WDR1: variants seen among roughly 807,000 people sequenced by gnomAD.
WDR1 encodes WD repeat-containing protein 1.
WDR1 carries 21 observed loss-of-function variants against 71.9 expected under a neutral mutation model. The ratio of observed to expected loss-of-function variants is 0.29; its 90% confidence interval spans 0.21 to 0.42. WDR1 has a LOEUF of 0.42. WDR1 is among the 10% of genes least tolerant of loss of function. The probability of loss-of-function intolerance (pLI) is 1.00; values close to 1 mark genes in which losing one functional copy is unlikely to be tolerated. For synonymous variants in WDR1, 424 were observed against 347.4 expected (o/e 1.22, Z -2.45); for missense variants, 696 against 824.5 (o/e 0.84, Z 1.91).
chr4:10,111,261 T>C (rs1381755852), intron 2 of WDR1, among the ~76,000 whole-genome samples: 1 of 152,080 alleles, frequency 6.6e-6, no homozygotes, highest in Non-Finnish European at 1.5e-5. Context: ...TCCTGTCCAC[T>C]CCCCTCACGC....
At chr4:10,116,075 T>C (rs2108812262) in intron 2 of WDR1, 38 bp downstream of exon 2, 1 of 1,599,770 alleles carries the variant, frequency 6.3e-7, no homozygotes, top group Non-Finnish European at 8.5e-7. Context: ...CCAAGGTGGC[T>C]CCGGAGCAGA....
intron 8 of WDR1, among the ~76,000 whole-genome samples, chr4:10,084,986 G>A (rs756636790): frequency 2.6e-5 from 4 of 152,226 alleles, no homozygotes; most frequent in Non-Finnish European, 5.9e-5. Flanking sequence ...CCCTGCCCAG[G>A]AGTGCTGGCC....
intron 12 of WDR1, 104 bp downstream of exon 12, chr4:10,078,787 C>G: frequency 1.0e-6 from 1 of 984,616 alleles, no homozygotes. Context: ...TCCCCTGACC[C>G]CTCGCCTTCC....
intron 9 of WDR1, 88 bp from the exon 10 acceptor site, chr4:10,083,266 C>G: frequency 1.4e-6 from 2 of 1,463,054 alleles, no homozygotes; most frequent in Non-Finnish European, 1.8e-6. Flanking sequence ...CCATTTACAT[C>G]AAGAATGAGA....
At chr4:10,075,510 G>C in intron 14 of WDR1, 26 bp from the exon 15 acceptor site, 2 of 1,605,626 alleles carry the variant, frequency 1.2e-6, no homozygotes, top group Non-Finnish European at 1.7e-6. Flanking sequence ...GCAATTTAAC[G>C]AAAAGCCAAA....
intron 14 of WDR1, 120 bp from the exon 15 acceptor site, chr4:10,075,604 C>T: frequency 1.0e-5 from 9 of 901,840 alleles, no homozygotes; most frequent in Admixed American, 2.1e-5. Flanking sequence ...AAAATGGCCA[C>T]GAATCGTTGT....
chr4:10,082,914 GA>G, intron 10 of WDR1, 107 bp downstream of exon 10: 1 of 1,393,358 alleles, frequency 7.2e-7, no homozygotes. Context: ...TGGGAGAGAT[GA>G]AAGGAGCAAG....
intron 11 of WDR1, among the ~76,000 whole-genome samples, chr4:10,079,231 TTA>T (rs1299752224): frequency 6.6e-6 from 1 of 152,232 alleles, no homozygotes; most frequent in African/African-American, 2.4e-5. Flanking sequence ...ACTGTGACCA[TTA>T]CTGTCATCAC....
intron 2 of WDR1, 58 bp from the exon 3 acceptor site, chr4:10,104,044 C>G: frequency 6.6e-7 from 1 of 1,507,616 alleles, no homozygotes; most frequent in Non-Finnish European, 9.0e-7. Context: ...AAGCTTCCAG[C>G]TCTCCACATC....
intron 8 of WDR1, 54 bp downstream of exon 8, chr4:10,087,653 T>TGG: frequency 1.3e-6 from 2 of 1,493,716 alleles, no homozygotes. Context: ...CTGGCCACTC[T>TGG]GGTCTCTTCC....
chr4:10,089,210 G>T (rs780099535), intron 5 of WDR1, among the ~76,000 whole-genome samples: 1 of 152,222 alleles, frequency 6.6e-6, no homozygotes. Flanking sequence ...CCGGGTTCAC[G>T]CCATTCTCCT....
At chr4:10,088,156 T>C (rs1205073282) in intron 7 of WDR1, 137 bp downstream of exon 7, 8 of 956,004 alleles carry the variant, frequency 8.4e-6, no homozygotes, top group Non-Finnish European at 1.3e-5. Flanking sequence ...AAAGCTTTTC[T>C]GGGCAGATAT....
chr4:10,109,195 G>A (rs929883832), intron 2 of WDR1, among the ~76,000 whole-genome samples: 1 of 152,226 alleles, frequency 6.6e-6, no homozygotes, highest in Non-Finnish European at 1.5e-5. Flanking sequence ...GACACTGGGC[G>A]ATACGCCCCA....
chr4:10,078,641 C>A (rs1764888726), intron 12 of WDR1: 2 of 436,946 alleles, frequency 4.6e-6, no homozygotes, highest in Non-Finnish European at 8.2e-6. Context: ...ACCTCACTGT[C>A]CACAGTCTTG....
At chr4:10,099,160 GGGAGGGGGGGA>G in intron 3 of WDR1, 21 bp from the exon 4 acceptor site, 1 of 1,429,050 alleles carries the variant, frequency 7.0e-7, no homozygotes, top group Non-Finnish European at 9.7e-7. Flanking sequence ...CAGCGGGCGG[GGGAGGGGGGGA>G]GGCGGTGGTG....
intron 5 of WDR1, among the ~76,000 whole-genome samples, chr4:10,090,903 T>C (rs758499830): frequency 6.6e-6 from 1 of 152,270 alleles, no homozygotes; most frequent in Non-Finnish European, 1.5e-5. Context: ...CATTCCGTTC[T>C]ATGACTGAAG....
rs746234371 is a variant in WDR1 at position 10,116,346 on chromosome 4, G to C, written c.17-112C>G. 26 of 1,472,866 alleles carry C rather than the reference G, an allele frequency of 1.8e-5. No homozygotes were observed. The East Asian group carries it at 6.1e-4, about 35-fold the overall frequency. The allele number at this position is 1,472,866 out of a possible 1,614,324, so 91.2% of individuals were successfully genotyped here. On this transcript the variant is annotated intron_variant, in intron 1 of 14. Coordinates refer to ENST00000499869, the MANE Select transcript of WDR1 (RefSeq NM_017491.5). ...GGCCGGTCACCTGTTGACTGCGCCG[G>C]GAGGGCGGCCTCCACTTTCCACGAG...
intron 5 of WDR1, among the ~76,000 whole-genome samples, chr4:10,089,015 C>A (rs113063781): frequency 2.8e-4 from 42 of 152,204 alleles, no homozygotes; most frequent in Non-Finnish European, 3.8e-4. Flanking sequence ...TATGCCCCCC[C>A]CAGTGAGGTG....
rs895560488 is a variant in WDR1, at chr4:10,099,287, G to C, written c.230-148C>G. The C allele has an allele frequency of 8.9e-6, 6 of 672,330 alleles. No individual in the cohort carries two copies. The Admixed American group carries it at 1.6e-4, about 18-fold the overall frequency. The allele number at this position is 672,330 out of a possible 1,614,324, so 41.6% of individuals were successfully genotyped here. A position where few individuals can be genotyped will look rare whatever the true frequency, so the allele number is the denominator to read the frequency against. On this transcript the variant is annotated intron_variant, in intron 3 of 14. Transcript: ENST00000499869. Reference sequence around the variant, plus strand: ...GTTGCTTAGGCTTTCTAGAGGAAAAGGCCTAGTGAAGAGAACGTGTCTTAG... The same window carrying C: ...GTTGCTTAGGCTTTCTAGAGGAAAACGCCTAGTGAAGAGAACGTGTCTTAG...
Sources: allele counts gnomAD v4.1 joint callset (sites outside exome capture counted in the v4.1 genomes callset), GRCh38; gene constraint gnomAD v4.1.1; transcripts MANE v1.5; gene names NCBI Gene and HGNC (gene_info 2026-07-23, HGNC 2026-07-21).